SLC26A7: variants seen among roughly 807,000 people sequenced by gnomAD.
The protein encoded by SLC26A7 is solute carrier family 26 member 7.
In SLC26A7, 59 loss-of-function variants were observed where a neutral mutation model predicts 82.5. That is an observed-to-expected ratio of 0.72 (90% CI 0.58 to 0.89). The LOEUF (loss-of-function observed/expected upper bound fraction) is 0.89, where lower values mean the gene tolerates loss of function less well. SLC26A7 is among the 40% of genes least tolerant of loss of function. The pLI is 0.00. For synonymous variants in SLC26A7, 271 were observed against 274.3 expected (o/e 0.99, Z 0.12); for missense variants, 820 against 793.0 (o/e 1.03, Z -0.41).
chr8:91,263,566 C>T (rs1290562083), intron 2 of SLC26A7, among the ~76,000 whole-genome samples: 1 of 151,954 alleles, frequency 6.6e-6, no homozygotes, highest in Non-Finnish European at 1.5e-5. Flanking sequence ...ATTTATTTAA[C>T]TCTTTCTTTG....
chr8:91,329,043 T>C (rs1813007755), intron 5 of SLC26A7, among the ~76,000 whole-genome samples: 1 of 152,136 alleles, frequency 6.6e-6, no homozygotes, highest in Admixed American at 6.6e-5. Flanking sequence ...TACTTATTTA[T>C]CCATACAGAT....
Position 91,368,915 on chromosome 8 carries a change from A to G in SLC26A7, c.1627-870A>G, listed in dbSNP as rs575810938. On this transcript the variant is annotated intron_variant, in intron 14 of 18. Coordinates refer to ENST00000276609, the MANE Select transcript of SLC26A7 (RefSeq NM_052832.4). Reference sequence around the variant, plus strand: ...TAACCAGATGGAAATTGTATAGCTGATAACTGTAAGTCAGGCTTAAAATAC... The same window carrying G: ...TAACCAGATGGAAATTGTATAGCTGGTAACTGTAAGTCAGGCTTAAAATAC... 3.3e-5 allele frequency among the ~76,000 whole-genome samples: 5 copies of G among 152,360 alleles called. No individual in the cohort carries two copies. In the South Asian group the frequency reaches 8.3e-4, roughly 25 times the overall value.
In SLC26A7 at chr8:91,239,477, TATATATGTGTATGTGTAC is replaced by T. The variant is rs1810445511; in HGVS notation, c.-33-10135_-33-10118del. Reference sequence around the variant, plus strand: ...ACGTATATATATGTGTATATATGTATATATATGTGTATGTGTACATATATATACACATATATATGAGAA... The same window carrying T: ...ACGTATATATATGTGTATATATGTATATATATATACACATATATATGAGAA... On this transcript the variant is annotated intron_variant, in intron 2 of 5. Transcript: ENST00000522862. 2.0e-5 allele frequency among the ~76,000 whole-genome samples: 3 copies of T among 150,306 alleles called. No individual in the cohort carries two copies. The Admixed American group carries it at 2.0e-4, about 10-fold the overall frequency.
At chr8:91,357,024 G>A (rs1426786225) in intron 11 of SLC26A7, among the ~76,000 whole-genome samples, 1 of 152,066 alleles carries the variant, frequency 6.6e-6, no homozygotes, top group East Asian at 1.9e-4. Flanking sequence ...TCTTCATCTT[G>A]TTTTACTTCC....
At chr8:91,325,125 A>G (rs1812898168) in intron 5 of SLC26A7, among the ~76,000 whole-genome samples, 1 of 152,152 alleles carries the variant, frequency 6.6e-6, no homozygotes, top group Admixed American at 6.5e-5. Flanking sequence ...AAGACCAAGA[A>G]CTACATGCCA....
intron 1 of SLC26A7, among the ~76,000 whole-genome samples, chr8:91,214,957 T>G (rs1810012987): frequency 6.6e-6 from 1 of 152,036 alleles, no homozygotes; most frequent in South Asian, 2.1e-4. Flanking sequence ...GCTCCCCATA[T>G]CCATTGGCTC....
chr8:91,370,050 A>C (rs1814310583), intron 15 of SLC26A7, among the ~76,000 whole-genome samples: 1 of 151,884 alleles, frequency 6.6e-6, no homozygotes, highest in Non-Finnish European at 1.5e-5. Context: ...TTTTATCTGC[A>C]GAAAACAGAT....
At chr8:91,252,166 C>G (rs1360689334) in intron 2 of SLC26A7, among the ~76,000 whole-genome samples, 15 of 152,010 alleles carry the variant, frequency 9.9e-5, no homozygotes, top group Admixed American at 9.8e-4. Flanking sequence ...AGCAGCTTTT[C>G]AGTTACTCAG....
chr8:91,351,884 C>A lies in SLC26A7; in HGVS notation c.1215C>A (p.Pro405=), dbSNP rs1292957780. The change falls in exon 10 of 19, where the codon CCC becomes CCA. Residue 405 remains proline, a synonymous_variant. Transcript: ENST00000276609. ...YAIGPLLYWL[P]MCVLASIIVV... is the part of the protein sequence containing the mutation. ...TAGGACCTTTGCTTTACTGGCTGCCCATGGTACGGTAGTGCTTTTTCACTA... is the reference window on the plus strand; with the variant it reads ...TAGGACCTTTGCTTTACTGGCTGCCAATGGTACGGTAGTGCTTTTTCACTA... The A allele has an allele frequency of 6.2e-7, 1 of 1,606,172 alleles. No individual in the cohort carries two copies. Among genetic ancestry groups the A allele is most frequent in the South Asian group, 1.1e-5 (1 of 90,878 alleles).
chr8:91,290,910 C>T (rs188504985), intron 3 of SLC26A7, among the ~76,000 whole-genome samples: 1 of 152,270 alleles, frequency 6.6e-6, no homozygotes, highest in Admixed American at 6.5e-5. Flanking sequence ...AAGTGTGGCT[C>T]ATGAACCAGC....
intron 2 of SLC26A7, among the ~76,000 whole-genome samples, chr8:91,266,632 A>G (rs1269597178): frequency 6.6e-6 from 1 of 151,762 alleles, no homozygotes; most frequent in Non-Finnish European, 1.5e-5. Context: ...AGTTCTAACA[A>G]TTTTGTGGTG....
At chr8:91,306,228 AC>A (rs1490646680) in intron 4 of SLC26A7, among the ~76,000 whole-genome samples, 6 of 151,996 alleles carry the variant, frequency 3.9e-5, no homozygotes, top group African/African-American at 1.4e-4. Context: ...AACAATTTTA[AC>A]CCTATCCAGC....
At chr8:91,253,198 G>A (rs1810706161) in intron 2 of SLC26A7, among the ~76,000 whole-genome samples, 1 of 152,050 alleles carries the variant, frequency 6.6e-6, no homozygotes, top group Non-Finnish European at 1.5e-5. Context: ...GCAAATGAGT[G>A]GAAGAGGTAG....
At chr8:91,353,509 T>C (rs1413480905) in intron 11 of SLC26A7, among the ~76,000 whole-genome samples, 1 of 152,090 alleles carries the variant, frequency 6.6e-6, no homozygotes, top group Non-Finnish European at 1.5e-5. Flanking sequence ...GATTAAAATA[T>C]ATTGAACCAT....
chr8:91,214,903 G>A (rs1810011334), intron 1 of SLC26A7, among the ~76,000 whole-genome samples: 1 of 151,904 alleles, frequency 6.6e-6, no homozygotes, highest in Non-Finnish European at 1.5e-5. Context: ...CCATCTGGAG[G>A]CTCCTGGGGG....
upstream of SLC26A7, among the ~76,000 whole-genome samples, chr8:91,246,594 G>A (rs1189543740): frequency 4.6e-5 from 7 of 152,128 alleles, no homozygotes; most frequent in Middle Eastern, 3.4e-3. Context: ...CAGCTATTCC[G>A]GAGGCTGAAG....
chr8:91,295,796 G>A, intron 4 of SLC26A7, 93 bp downstream of exon 4: 7 of 1,287,924 alleles, frequency 5.4e-6, no homozygotes, highest in Non-Finnish European at 7.5e-6. Flanking sequence ...TCATGAATTT[G>A]TCTTTATAGG....
At chr8:91,213,571 A>G (rs576639479) in intron 1 of SLC26A7, among the ~76,000 whole-genome samples, 3 of 152,346 alleles carry the variant, frequency 2.0e-5, no homozygotes, top group African/African-American at 7.2e-5. Flanking sequence ...TCTGTTCCAA[A>G]TGGTTTAAAA....
intron 2 of SLC26A7, among the ~76,000 whole-genome samples, chr8:91,255,436 T>C (rs1016483958): frequency 1.3e-5 from 2 of 152,160 alleles, no homozygotes; most frequent in African/African-American, 4.8e-5. Context: ...TGTCTGGGAA[T>C]GTTTCCCTGC....
Sources: gnomAD v4.1 joint callset for allele counts (sites outside exome capture counted in the v4.1 genomes callset) on GRCh38, gnomAD v4.1.1 for gene constraint, MANE v1.5 for transcripts, NCBI Gene and HGNC (gene_info 2026-07-23, HGNC 2026-07-21) for gene names.